Variants in FHIT observed in about 807,000 individuals in gnomAD.
The protein encoded by FHIT is fragile histidine triad diadenosine triphosphatase.
FHIT carries 19 observed loss-of-function variants against 17.9 expected under a neutral mutation model. The observed-to-expected ratio is 1.06, with a 90% CI of 0.74 to 1.56. The LOEUF is 1.56. Ranked by LOEUF, FHIT falls within the 40% of genes most tolerant of loss-of-function variation. FHIT has a pLI of 0.00. For missense variants in FHIT, 248 were observed against 189.2 expected (o/e 1.31, Z -1.82); for synonymous variants, 81 against 69.7 (o/e 1.16, Z -0.81).
At chr3:60,531,099 G>C (rs1252046222) in intron 5 of FHIT, among the ~76,000 whole-genome samples, 1 of 152,118 alleles carries the variant, frequency 6.6e-6, no homozygotes, top group Non-Finnish European at 1.5e-5. Flanking sequence ...TATTGTCTTT[G>C]AACATTTCTC....
chr3:59,990,449 C>T (rs1216584742), intron 7 of FHIT, among the ~76,000 whole-genome samples: 6 of 151,994 alleles, frequency 3.9e-5, no homozygotes, highest in Admixed American at 2.6e-4. Context: ...GTATATTGTT[C>T]TAAATTAAGC....
intron 2 of FHIT, among the ~76,000 whole-genome samples, chr3:61,174,233 C>T (rs2107144018): frequency 6.6e-6 from 1 of 152,306 alleles, no homozygotes; most frequent in South Asian, 2.1e-4. Flanking sequence ...AACTCAAGAT[C>T]TTGCACTACA....
intron 2 of FHIT, among the ~76,000 whole-genome samples, chr3:61,173,755 A>G (rs1265211256): frequency 6.6e-6 from 1 of 152,224 alleles, no homozygotes; most frequent in Non-Finnish European, 1.5e-5. Context: ...AGGTTTGGGC[A>G]CCCAGCCAGA....
rs145022321 is a variant in FHIT at position 60,966,012 on chromosome 3, T to C, written c.-111+76035A>G. 5.9e-3 allele frequency among the ~76,000 whole-genome samples: 894 copies of C among 152,298 alleles called. 4 individuals are homozygous for C. The highest frequency in any genetic ancestry group is 9.1e-3 in the Non-Finnish European group (619 of 68,018). On this transcript the variant is annotated intron_variant, in intron 3 of 9. Transcript: ENST00000492590. ...TCTGCAGAAGTTTCTGCTGCCTTTT[T>C]TTCAGCTATGCCCTGACCCTAGAGG...
chr3:59,761,608 T>TTA (rs1467563899), intron 8 of FHIT, among the ~76,000 whole-genome samples: 103 of 140,240 alleles, frequency 7.3e-4, no homozygotes, highest in African/African-American at 2.9e-3. Context: ...AGCAATTTAT[T>TTA]TTATTTTTTT....
intron 8 of FHIT, among the ~76,000 whole-genome samples, chr3:59,849,467 A>G (rs1701849457): frequency 1.3e-5 from 2 of 152,204 alleles, no homozygotes; most frequent in African/African-American, 4.8e-5. Context: ...CCACAATCTC[A>G]TGGAGGCAAA....
At chr3:60,921,647 T>G (rs1176585871) in intron 3 of FHIT, among the ~76,000 whole-genome samples, 1 of 152,214 alleles carries the variant, frequency 6.6e-6, no homozygotes, top group Non-Finnish European at 1.5e-5. Context: ...CCACCATGAA[T>G]TATCCAGTTG....
chr3:60,207,251 A>C (rs1703240053), intron 5 of FHIT, among the ~76,000 whole-genome samples: 1 of 152,098 alleles, frequency 6.6e-6, no homozygotes, highest in Non-Finnish European at 1.5e-5. Context: ...TAGAAATTAG[A>C]ATATTTACTT....
At position 60,831,893 on chromosome 3, in the gene FHIT, C is replaced by T. The variant is rs112616088; in HGVS notation, c.-110-9882G>A. 9.4e-3 allele frequency among the ~76,000 whole-genome samples: 1,431 copies of T among 152,006 alleles called. 26 individuals are homozygous for T. The highest frequency in any genetic ancestry group is 0.032 in the African/African-American group (1,308 of 41,466). Reference sequence around the variant, plus strand: ...TAAAAGGCTTCTTTCAGCAATAGGGCGCTAAGATTTATGAGACATGATTGT... The same window carrying T: ...TAAAAGGCTTCTTTCAGCAATAGGGTGCTAAGATTTATGAGACATGATTGT... On this transcript the variant is annotated intron_variant, in intron 3 of 9. Transcript: ENST00000492590.
At chr3:60,418,307 A>T (rs1414501819) in intron 5 of FHIT, among the ~76,000 whole-genome samples, 4 of 148,110 alleles carry the variant, frequency 2.7e-5, no homozygotes, top group Non-Finnish European at 5.9e-5. Context: ...TTACATAATT[A>T]TGTCATGCTA....
chr3:60,068,060 AC>A (rs1290376606), intron 5 of FHIT, among the ~76,000 whole-genome samples: 5 of 151,152 alleles, frequency 3.3e-5, no homozygotes, highest in African/African-American at 9.7e-5. Context: ...ACGTGGTGAA[AC>A]CCCGTCTCTA....
intron 5 of FHIT, among the ~76,000 whole-genome samples, chr3:60,211,737 G>GTA (rs1266726703): frequency 6.6e-6 from 1 of 152,100 alleles, no homozygotes; most frequent in African/African-American, 2.4e-5. Context: ...GGGAAGGAGA[G>GTA]TATGGTTGAA....
chr3:59,971,371 T>A (rs1207230885), intron 7 of FHIT, among the ~76,000 whole-genome samples: 1 of 152,122 alleles, frequency 6.6e-6, no homozygotes, highest in Non-Finnish European at 1.5e-5. Context: ...GGCCTTATAA[T>A]GAGGATTCCA....
chr3:60,157,762 G>T (rs114382306), intron 5 of FHIT, among the ~76,000 whole-genome samples: 4,163 of 152,218 alleles, frequency 0.027, 178 homozygotes, highest in African/African-American at 0.096. Flanking sequence ...GGAGTCTCAG[G>T]ATGTTTGCAG....
At chr3:60,512,412 A>G (rs1420815514) in intron 5 of FHIT, among the ~76,000 whole-genome samples, 2 of 152,222 alleles carry the variant, frequency 1.3e-5, no homozygotes, top group East Asian at 1.9e-4. Flanking sequence ...ATGTCAGCTT[A>G]CTTACTTCTG....
chr3:60,921,954 G>C lies in FHIT; in HGVS notation c.-110-99943C>G, dbSNP rs904411355. Among the ~76,000 whole-genome samples the C allele has an allele frequency of 2.6e-5, 4 of 152,286 alleles. No homozygotes were observed. In the East Asian group the frequency reaches 5.8e-4, roughly 22 times the overall value. ...GCTCTGCCCACAGTAGAAAGCATGA[G>C]AAAATAAATGAGGCTTGAAAGCTAA... is the stretch of plus-strand genomic sequence containing the variant. On this transcript the variant is annotated intron_variant, in intron 3 of 9. Transcript: ENST00000492590.
At chr3:60,383,815 A>C (rs1006804293) in intron 5 of FHIT, among the ~76,000 whole-genome samples, 3 of 152,214 alleles carry the variant, frequency 2.0e-5, no homozygotes, top group Non-Finnish European at 4.4e-5. Context: ...GTCTCTCTAA[A>C]CAACAGCAAA....
chr3:60,530,066 G>A (rs1476645578), intron 5 of FHIT, among the ~76,000 whole-genome samples: 1 of 152,124 alleles, frequency 6.6e-6, no homozygotes, highest in Admixed American at 6.5e-5. Flanking sequence ...ATCAGGTCAG[G>A]CCAGCCCACC....
chr3:60,218,096 T>A (rs1279086586), intron 5 of FHIT, among the ~76,000 whole-genome samples: 1 of 152,148 alleles, frequency 6.6e-6, no homozygotes, highest in African/African-American at 2.4e-5. Flanking sequence ...AAATTTTAAT[T>A]TCTAATATGG....
Sources: allele counts gnomAD v4.1 joint callset (sites outside exome capture counted in the v4.1 genomes callset), GRCh38; gene constraint gnomAD v4.1.1; transcripts MANE v1.5; gene names NCBI Gene and HGNC (gene_info 2026-07-23, HGNC 2026-07-21).